Variants in SLC1A2 observed in about 807,000 individuals in gnomAD.
The protein encoded by SLC1A2 is solute carrier family 1 member 2.
SLC1A2 carries 15 observed loss-of-function variants against 48.8 expected under a neutral mutation model. The observed-to-expected ratio is 0.31, with a 90% confidence interval of 0.21 to 0.47. The LOEUF is 0.47. SLC1A2 is among the 20% of genes least tolerant of loss of function. SLC1A2 has a pLI of 0.99. For synonymous variants in SLC1A2, 279 were observed against 272.6 expected, an observed-to-expected ratio of 1.02 and a Z score of -0.23; for missense variants, 502 against 730.5, an observed-to-expected ratio of 0.69 and a Z score of 3.61.
chr11:35,343,791 GAC>G (rs138998504), intron 1 of SLC1A2, among the ~76,000 whole-genome samples: 1 of 151,610 alleles, frequency 6.6e-6, no homozygotes, highest in Non-Finnish European at 1.5e-5. Context: ...GATGTGCACA[GAC>G]ACACACACAG....
At chr11:35,407,580 C>T (rs1046037852) in intron 1 of SLC1A2, among the ~76,000 whole-genome samples, 1 of 152,216 alleles carries the variant, frequency 6.6e-6, no homozygotes, top group African/African-American at 2.4e-5. Context: ...TTTCTCTCCA[C>T]CCATTCTCAA....
At chr11:35,334,915 T>G (rs1350366820) in intron 1 of SLC1A2, among the ~76,000 whole-genome samples, 1 of 152,148 alleles carries the variant, frequency 6.6e-6, no homozygotes, top group East Asian at 1.9e-4. Context: ...ATATGAGAAG[T>G]GACTGTTAGT....
In SLC1A2 at chr11:35,306,136, G is replaced by T. The variant is rs142741081; in HGVS notation, c.668C>A (p.Pro223Gln). 4.4e-4 allele frequency: 718 copies of T among 1,613,850 alleles called. 1 individual carries two copies. Among genetic ancestry groups the T allele is most frequent in the Non-Finnish European group, 5.5e-4 (647 of 1,179,934 alleles). Residue 223 changes from proline to glutamine, a missense_variant, in exon 5 of 11, where the codon CCG (proline) becomes CAG (glutamine). Coordinates refer to ENST00000278379, the MANE Select transcript of SLC1A2 (RefSeq NM_004171.4). ...SLLNETVTEV[P>Q]EETKMVIKKG... ...CTTGATAACCATCTTAGTCTCCTCCGGCACCTCAGTCACAGTCTCGTTCAA... is the reference window on the plus strand; with the variant it reads ...CTTGATAACCATCTTAGTCTCCTCCTGCACCTCAGTCACAGTCTCGTTCAA...
intron 1 of SLC1A2, chr11:35,399,589 G>T: frequency 1.0e-6 from 1 of 983,872 alleles, no homozygotes; most frequent in Non-Finnish European, 1.2e-6. Flanking sequence ...TAATCATGAT[G>T]CCTGCAGATA....
At chr11:35,407,972 T>C (rs928773649) in intron 1 of SLC1A2, among the ~76,000 whole-genome samples, 1 of 152,232 alleles carries the variant, frequency 6.6e-6, no homozygotes, top group Non-Finnish European at 1.5e-5. Context: ...AACTGCCCAG[T>C]GAACATCTCT....
chr11:35,305,004 G>GCT (rs1851461066), intron 5 of SLC1A2, among the ~76,000 whole-genome samples: 1 of 152,184 alleles, frequency 6.6e-6, no homozygotes, highest in South Asian at 2.1e-4. Flanking sequence ...TCTCTAAGTA[G>GCT]CTGTCATCCA....
At chr11:35,268,425 G>A (rs1446219830) in intron 9 of SLC1A2, among the ~76,000 whole-genome samples, 4 of 151,960 alleles carry the variant, frequency 2.6e-5, no homozygotes, top group Non-Finnish European at 5.9e-5. Context: ...GCCTGTAATC[G>A]CAGCACTTTG....
chr11:35,346,889 G>C (rs932365891), intron 1 of SLC1A2, among the ~76,000 whole-genome samples: 18 of 152,344 alleles, frequency 1.2e-4, no homozygotes, highest in Admixed American at 1.2e-3. Flanking sequence ...ACACAGGATG[G>C]AAGAAGACCT....
At chr11:35,342,855 C>T (rs76364767) in intron 1 of SLC1A2, among the ~76,000 whole-genome samples, 2,834 of 152,306 alleles carry the variant, frequency 0.019, 40 homozygotes, top group Non-Finnish European at 0.029. Context: ...CATCTCTTTT[C>T]TGAACTTTAA....
chr11:35,349,557 G>A (rs1026445953), intron 1 of SLC1A2, among the ~76,000 whole-genome samples: 2 of 152,196 alleles, frequency 1.3e-5, no homozygotes, highest in African/African-American at 4.8e-5. Flanking sequence ...AGAGAGAAGA[G>A]CTCTTCCCCT....
At chr11:35,275,698 A>G (rs1006329764) in intron 9 of SLC1A2, among the ~76,000 whole-genome samples, 4 of 152,220 alleles carry the variant, frequency 2.6e-5, no homozygotes, top group Admixed American at 2.6e-4. Flanking sequence ...GACACATTAA[A>G]TGTCACTGTA....
At chr11:35,374,264 A>G (rs1455512249) in intron 1 of SLC1A2, 5 of 955,906 alleles carry the variant, frequency 5.2e-6, no homozygotes, top group Non-Finnish European at 7.9e-6. Context: ...GAAGCTGAGA[A>G]ATGGAACTCT....
At chr11:35,330,687 A>G (rs1373992192) in intron 1 of SLC1A2, among the ~76,000 whole-genome samples, 1 of 152,162 alleles carries the variant, frequency 6.6e-6, no homozygotes, top group Non-Finnish European at 1.5e-5. Context: ...ACAGAAAAGA[A>G]AGAACTGAAG....
In SLC1A2 at chr11:35,419,028, G is replaced by A; in HGVS notation, c.-62C>T. The stretch of plus-strand genomic sequence containing the variant: ...GGCAGCTGTGGGCGAGGGAGAAAGC[G>A]GACGCCGGGGTGAGCGCGAAGTGCG... On this transcript the variant is annotated 5_prime_UTR_variant, in exon 1 of 11. Transcript: ENST00000278379. This position sits in a 1 kb window ranked among gnomAD's most constrained non-coding sequence, Gnocchi z 5.4. The A allele has an allele frequency of 6.8e-7, 1 of 1,480,894 alleles. No homozygotes were observed. The highest frequency in any genetic ancestry group is 1.2e-5 in the South Asian group (1 of 81,366). 91.7% of individuals were successfully genotyped at this position (1,480,894 alleles called of 1,614,324 possible). A position where few individuals can be genotyped will look rare whatever the true frequency, so the allele number is the denominator to read the frequency against.
chr11:35,312,177 A>G (rs769886371), intron 4 of SLC1A2, 21 bp downstream of exon 4: 2 of 1,612,110 alleles, frequency 1.2e-6, no homozygotes, highest in East Asian at 4.5e-5. Flanking sequence ...GAGAAGAGAG[A>G]ACATCTGAAC....
intron 8 of SLC1A2, among the ~76,000 whole-genome samples, chr11:35,282,902 C>A (rs1206304217): frequency 6.6e-6 from 1 of 152,120 alleles, no homozygotes; most frequent in East Asian, 1.9e-4. Context: ...AATTCTAAGC[C>A]CTGCAAGAGC....
At chr11:35,298,829 T>G (rs1463182840) in intron 6 of SLC1A2, 2 of 152,198 alleles carry the variant, frequency 1.3e-5, no homozygotes, top group Non-Finnish European at 2.9e-5. Context: ...AAGGGTTTAG[T>G]GGAAATCACA....
intron 1 of SLC1A2, chr11:35,399,658 G>A (rs1353245090): frequency 1.7e-5 from 16 of 957,214 alleles, no homozygotes; most frequent in Middle Eastern, 5.3e-4. Flanking sequence ...ACTCAAAATA[G>A]AGGGGATATT....
intron 6 of SLC1A2, chr11:35,298,971 T>C (rs899786432): frequency 1.3e-5 from 2 of 152,230 alleles, no homozygotes; most frequent in Non-Finnish European, 1.5e-5. Flanking sequence ...AAAATCCTAA[T>C]GTTTAAGCAA....
Sources: allele counts gnomAD v4.1 joint callset (sites outside exome capture counted in the v4.1 genomes callset), GRCh38; gene constraint gnomAD v4.1.1; non-coding constraint Gnocchi (gnomAD v3.1); transcripts MANE v1.5; gene names NCBI Gene and HGNC (gene_info 2026-07-23, HGNC 2026-07-21).